Variants in ANKRD30BL observed in about 807,000 individuals in gnomAD.
ANKRD30BL encodes ankyrin repeat domain 30B like, also known as putative ankyrin repeat domain-containing protein 30B-like.
ANKRD30BL carries 20 observed loss-of-function variants against 18.4 expected under a neutral mutation model. The ratio of observed to expected loss-of-function variants is 1.09; its 90% CI spans 0.77 to 1.58. The LOEUF is 1.58. Among genes scored for constraint, ANKRD30BL ranks in the 40% most tolerant of loss-of-function variants. The pLI, the probability that ANKRD30BL is intolerant of heterozygous loss-of-function variation, is 0.00. For missense variants in ANKRD30BL, 224 were observed against 268.6 expected, an observed-to-expected ratio of 0.83 and a Z score of 1.16; for synonymous variants, 72 against 100.9, an observed-to-expected ratio of 0.71 and a Z score of 1.72.
intron 1 of ANKRD30BL, among the ~76,000 whole-genome samples, chr2:132,223,128 A>T (rs2104773307): frequency 6.6e-6 from 1 of 152,276 alleles, no homozygotes; most frequent in Admixed American, 6.5e-5. Context: ...AAAATTAGAC[A>T]GCAGCATTCT....
chr2:132,219,588 T>C (rs1482367179), intron 1 of ANKRD30BL, among the ~76,000 whole-genome samples: 1 of 152,052 alleles, frequency 6.6e-6, no homozygotes, highest in Admixed American at 6.6e-5. Context: ...TTTGAAACCA[T>C]CATTTTGTAG....
intron 1 of ANKRD30BL, among the ~76,000 whole-genome samples, chr2:132,186,303 A>G (rs1420650671): frequency 1.3e-5 from 2 of 152,126 alleles, no homozygotes; most frequent in Non-Finnish European, 2.9e-5. Flanking sequence ...CTTGAAACTT[A>G]TGGTTTGTTT....
intron 1 of ANKRD30BL, among the ~76,000 whole-genome samples, chr2:132,243,710 G>A (rs973245963): frequency 6.6e-6 from 1 of 151,588 alleles, no homozygotes; most frequent in Admixed American, 6.6e-5. Context: ...CTGCTTTGAC[G>A]TTTTTACTGG....
chr2:132,226,847 G>T (rs1234061281), intron 1 of ANKRD30BL, among the ~76,000 whole-genome samples: 1 of 152,002 alleles, frequency 6.6e-6, no homozygotes, highest in African/African-American at 2.4e-5. Context: ...TGCAGCCTAA[G>T]TTAGAAAAGG....
Position 132,244,268 on chromosome 2 carries a change from GC to G in ANKRD30BL, n.441+13260del, listed in dbSNP as rs575727963. 4.1e-4 allele frequency among the ~76,000 whole-genome samples: 63 copies of G among 152,390 alleles called. No homozygotes were observed. The East Asian group carries it at 0.012, about 28-fold the overall frequency. On this transcript the variant is annotated intron_variant and non_coding_transcript_variant, in intron 1 of 4. Transcript: ENST00000470729. ...TATCTTCACATAAAACTAGACAGAA[GC>G]ATTCTCAGGAACTTCTTTGTGATGT...
At chr2:132,191,170 T>C (rs935491347) in intron 1 of ANKRD30BL, among the ~76,000 whole-genome samples, 6 of 152,234 alleles carry the variant, frequency 3.9e-5, no homozygotes, top group African/African-American at 1.2e-4. Flanking sequence ...TAGAATTTTG[T>C]AATAATAAAC....
intron 1 of ANKRD30BL, among the ~76,000 whole-genome samples, chr2:132,197,395 T>C (rs924160130): frequency 5.3e-5 from 8 of 152,166 alleles, no homozygotes; most frequent in Non-Finnish European, 2.9e-5. Context: ...TTTGAAATGA[T>C]TTCTTCAAAA....
intron 1 of ANKRD30BL, among the ~76,000 whole-genome samples, chr2:132,229,431 T>G (rs1679942683): frequency 6.6e-6 from 1 of 152,078 alleles, no homozygotes. Flanking sequence ...TTGATTCCTA[T>G]CATGGAAAAG....
intron 1 of ANKRD30BL, among the ~76,000 whole-genome samples, chr2:132,207,151 T>A (rs182946868): frequency 0.059 from 8,911 of 152,026 alleles, 815 homozygotes; most frequent in African/African-American, 0.2. Context: ...ATATTTTCTT[T>A]TTGAAGACAC....
At chr2:132,215,049 C>A in intron 1 of ANKRD30BL, among the ~76,000 whole-genome samples, 1 of 145,652 alleles carries the variant, frequency 6.9e-6, no homozygotes, top group Non-Finnish European at 1.5e-5. Context: ...TGAGAAAATT[C>A]TTTGTGATGT....
In ANKRD30BL at chr2:132,238,551, CTT is replaced by C. The variant is rs571634820; in HGVS notation, n.441+18976_441+18977del. Among the ~76,000 whole-genome samples, 4 of 151,956 alleles carry C rather than the reference CTT, an allele frequency of 2.6e-5. No individual in the cohort carries two copies. In the South Asian group the frequency reaches 8.3e-4, roughly 32 times the overall value. Reference sequence around the variant, plus strand: ...TTTCATGGAGCTGTTATGAAACACTCTTTTTGTAGAATCTGTAAGTGGAAACT... The same window carrying C: ...TTTCATGGAGCTGTTATGAAACACTCTTTGTAGAATCTGTAAGTGGAAACT... On this transcript the variant is annotated intron_variant and non_coding_transcript_variant, in intron 1 of 4. Transcript: ENST00000470729.
At chr2:132,253,689 C>T (rs538526919) in intron 1 of ANKRD30BL, among the ~76,000 whole-genome samples, 5 of 151,936 alleles carry the variant, frequency 3.3e-5, no homozygotes, top group Admixed American at 6.5e-5. Flanking sequence ...CCCTCCTGAA[C>T]GGACTCCACT....
chr2:132,218,347 A>G (rs1371434665), intron 1 of ANKRD30BL, among the ~76,000 whole-genome samples: 1 of 152,246 alleles, frequency 6.6e-6, no homozygotes, highest in Non-Finnish European at 1.5e-5. Flanking sequence ...TGTGCATTCA[A>G]CTCACAGAGT....
At chr2:132,216,081 G>A (rs149256775) in intron 1 of ANKRD30BL, among the ~76,000 whole-genome samples, 6 of 151,744 alleles carry the variant, frequency 4.0e-5, no homozygotes, top group Non-Finnish European at 7.4e-5. Context: ...ATCTCACAGA[G>A]TTGAACTTTC....
intron 1 of ANKRD30BL, among the ~76,000 whole-genome samples, chr2:132,192,663 T>C (rs1678884665): frequency 6.6e-6 from 1 of 152,220 alleles, no homozygotes; most frequent in Non-Finnish European, 1.5e-5. Flanking sequence ...GATCCTCATG[T>C]CACCCACCAT....
chr2:132,253,691 G>T (rs1680732239), intron 1 of ANKRD30BL, among the ~76,000 whole-genome samples: 1 of 151,928 alleles, frequency 6.6e-6, no homozygotes, highest in African/African-American at 2.4e-5. Flanking sequence ...CTCCTGAACG[G>T]ACTCCACTGT....
At chr2:132,175,744 T>C (rs1688357262) in intron 1 of ANKRD30BL, among the ~76,000 whole-genome samples, 1 of 152,230 alleles carries the variant, frequency 6.6e-6, no homozygotes, top group African/African-American at 2.4e-5. Flanking sequence ...GCCCCTGGTT[T>C]ATCGAGACTA....
chr2:132,199,913 A>G (rs571630087), intron 1 of ANKRD30BL, among the ~76,000 whole-genome samples: 11 of 152,322 alleles, frequency 7.2e-5, no homozygotes, highest in African/African-American at 2.6e-4. Context: ...AAAATCCTCA[A>G]TGAAATACTG....
At chr2:132,214,424 T>A (rs1250747768) in intron 1 of ANKRD30BL, among the ~76,000 whole-genome samples, 1 of 152,052 alleles carries the variant, frequency 6.6e-6, no homozygotes, top group African/African-American at 2.4e-5. Context: ...TTCAGAAGTT[T>A]GGAAACACTC....
Sources: gnomAD v4.1 joint callset for allele counts (sites outside exome capture counted in the v4.1 genomes callset) on GRCh38, gnomAD v4.1.1 for gene constraint, MANE v1.5 for transcripts, NCBI Gene and HGNC (gene_info 2026-07-23, HGNC 2026-07-21) for gene names.